Variants in RUBCNL observed in about 807,000 individuals in gnomAD.
RUBCNL encodes protein associated with UVRAG as autophagy enhancer.
Under a neutral mutation model 69.5 loss-of-function variants are expected in RUBCNL, and 62 were observed. The observed-to-expected ratio is 0.89, with a 90% CI of 0.73 to 1.10. RUBCNL has a LOEUF of 1.10. Among genes scored for constraint, RUBCNL ranks in the 50% least tolerant of loss-of-function variants. The pLI is 0.00. For missense variants in RUBCNL, 768 were observed against 798.1 expected (o/e 0.96, Z 0.45); for synonymous variants, 291 against 303.6 (o/e 0.96, Z 0.43).
chr13:46,365,085 C>T (rs1168116198), intron 5 of RUBCNL, among the ~76,000 whole-genome samples: 1 of 151,888 alleles, frequency 6.6e-6, no homozygotes, highest in East Asian at 1.9e-4. Flanking sequence ...AGCGGATCAC[C>T]TGAGGTCAGG....
In RUBCNL at chr13:46,344,655, CTTAAG is replaced by C. The variant is rs763664737; in HGVS notation, c.1876+81_1876+85del. ...CTTAAATTATTAAGCTATTATTCAG[CTTAAG>C]TTAATTTTGTGCTTAAGTTACTAAA... is the stretch of plus-strand genomic sequence containing the variant. On this transcript the variant is annotated intron_variant, in intron 14 of 14. Coordinates refer to ENST00000429979, the MANE Select transcript of RUBCNL (RefSeq NM_025113.5). The C allele has an allele frequency of 4.9e-5, 42 of 862,700 alleles. 2 individuals carry two copies. In the South Asian group the frequency reaches 5.1e-4, roughly 10 times the overall value. The allele number at this position is 862,700 out of a possible 1,614,324, so 53.4% of individuals were successfully genotyped here.
At chr13:46,375,740 G>A (rs1490817645) in intron 2 of RUBCNL, among the ~76,000 whole-genome samples, 1 of 152,060 alleles carries the variant, frequency 6.6e-6, no homozygotes, top group African/African-American at 2.4e-5. Context: ...AAGAGTTTTG[G>A]AGACTTCTTG....
Position 46,341,427 on chromosome 13 carries a change from A to G in RUBCNL, c.*1958T>C, listed in dbSNP as rs1294258384. 1.3e-5 allele frequency among the ~76,000 whole-genome samples: 2 copies of G among 152,244 alleles called. No individual in the cohort carries two copies. The highest frequency in any genetic ancestry group is 2.9e-5 in the Non-Finnish European group (2 of 68,036). On this transcript the variant is annotated 3_prime_UTR_variant, in exon 15 of 15. Coordinates refer to ENST00000429979, the MANE Select transcript of RUBCNL (RefSeq NM_025113.5). ...GCCTTCCTGGGAAGAAGCCTCTATT[A>G]TCACATTGGAGAGGAACAAAGTCTC...
chr13:46,361,418 G>C (rs754596058), intron 8 of RUBCNL, 23 bp downstream of exon 8: 2 of 1,611,528 alleles, frequency 1.2e-6, no homozygotes, highest in Admixed American at 3.3e-5. Flanking sequence ...TTCAATTCAA[G>C]GTCAATTTTT....
rs1286794490 is a variant in RUBCNL at position 46,335,010 on chromosome 13, A to G, written c.*8375T>C. On this transcript the variant is annotated 3_prime_UTR_variant, in exon 15 of 15. Transcript: ENST00000429979. ...TTCCTGATGGAGGGAAGAGAGGAAC[A>G]GCTCAGGAAGTGGTGCAGGTCAAGC... 6.6e-6 allele frequency among the ~76,000 whole-genome samples: 1 copy of G among 152,060 alleles called. No individual in the cohort carries two copies. Among genetic ancestry groups the G allele is most frequent in the Non-Finnish European group, 1.5e-5 (1 of 68,022 alleles).
chr13:46,380,463 C>T (rs904556768), intron 1 of RUBCNL, among the ~76,000 whole-genome samples: 1 of 152,184 alleles, frequency 6.6e-6, no homozygotes, highest in Non-Finnish European at 1.5e-5. Context: ...AAAGTCTGAA[C>T]CTGATCCAAA....
rs774318177 is a variant in RUBCNL, at chr13:46,372,159, T to C, written c.317A>G (p.Glu106Gly). ...GCTGCCAACGGAGTCTGTGGTATCC[T>C]CAGACAACGTTGTCTCTGCCAGGGA... ...GDSLAETTLS[E>G]DTTDSVGSAS... Residue 106 changes from glutamate to glycine, a missense_variant, in exon 3 of 15, where the codon GAG becomes GGG. By Grantham distance (98) the Glu-to-Gly change is moderately conservative. Transcript: ENST00000429979. 5.6e-6 allele frequency: 9 copies of C among 1,613,952 alleles called. No individual in the cohort carries two copies. In the South Asian group the frequency reaches 9.9e-5, roughly 18 times the overall value.
intron 9 of RUBCNL, among the ~76,000 whole-genome samples, chr13:46,357,998 G>A (rs2048528283): frequency 6.6e-6 from 1 of 152,190 alleles, no homozygotes; most frequent in Non-Finnish European, 1.5e-5. Context: ...CAAGGAAATT[G>A]TAAAATTTGT....
intron 1 of RUBCNL, among the ~76,000 whole-genome samples, chr13:46,385,471 T>C (rs1411452043): frequency 4.6e-5 from 7 of 152,190 alleles, no homozygotes; most frequent in African/African-American, 7.2e-5. Context: ...TCTTCCATAT[T>C]AGAAATTCCA....
chr13:46,361,181 C>A (rs1380094266), intron 8 of RUBCNL, among the ~76,000 whole-genome samples: 2 of 152,030 alleles, frequency 1.3e-5, no homozygotes, highest in African/African-American at 4.8e-5. Context: ...GCTGAGATTG[C>A]GCCACTGCAC....
chr13:46,353,489 A>G (rs568950958), intron 10 of RUBCNL, among the ~76,000 whole-genome samples: 1 of 152,376 alleles, frequency 6.6e-6, no homozygotes, highest in Admixed American at 6.5e-5. Flanking sequence ...TAACTAAAAC[A>G]GAATACAAAG....
chr13:46,339,828 T>C lies in RUBCNL; in HGVS notation c.*3557A>G, dbSNP rs1216713. On this transcript the variant is annotated 3_prime_UTR_variant, in exon 15 of 15. Coordinates refer to ENST00000429979, the MANE Select transcript of RUBCNL (RefSeq NM_025113.5). ...GAGCTGAGATCGCACCACTGCACTA[T>C]AGCCTGGGTGACAGAGCAAGACTCC... Among the ~76,000 whole-genome samples, 59,719 of 151,818 alleles carry C rather than the reference T, an allele frequency of 0.39. 12,338 individuals carry two copies. Among genetic ancestry groups the C allele is most frequent in the East Asian group, 0.59 (3,045 of 5,162 alleles).
chr13:46,363,532 A>T (rs571382785), intron 5 of RUBCNL, among the ~76,000 whole-genome samples: 1 of 152,304 alleles, frequency 6.6e-6, no homozygotes, highest in South Asian at 2.1e-4. Flanking sequence ...TGATTTTGCA[A>T]ATCACACGAT....
intron 10 of RUBCNL, 81 bp downstream of exon 10, chr13:46,356,351 C>T (rs1358698292): frequency 2.2e-6 from 3 of 1,369,644 alleles, no homozygotes; most frequent in South Asian, 1.3e-5. Flanking sequence ...GCATCTCTCA[C>T]ACAAGCAATG....
chr13:46,371,813 TG>T, intron 3 of RUBCNL, 127 bp downstream of exon 3: 1 of 932,860 alleles, frequency 1.1e-6, no homozygotes, highest in Non-Finnish European at 1.6e-6. Context: ...CCCAGATGGC[TG>T]GGCTGCTGAC....
At chr13:46,348,094 T>C (rs2048287791) in intron 12 of RUBCNL, among the ~76,000 whole-genome samples, 1 of 152,112 alleles carries the variant, frequency 6.6e-6, no homozygotes, top group African/African-American at 2.4e-5. Flanking sequence ...AGACAAATAC[T>C]GTAAGATTCC....
rs2048105935 is a variant in RUBCNL, at chr13:46,336,503, A to C, written c.*6882T>G. The stretch of plus-strand genomic sequence containing the variant: ...AAATTATTCTAATCCCACTATACAG[A>C]GATAATCACCACCACAATATGATGA... On this transcript the variant is annotated 3_prime_UTR_variant, in exon 15 of 15. Coordinates refer to ENST00000429979, the MANE Select transcript of RUBCNL (RefSeq NM_025113.5). 6.6e-6 allele frequency among the ~76,000 whole-genome samples: 1 copy of C among 152,222 alleles called. No homozygotes were observed. Among genetic ancestry groups the C allele is most frequent in the Non-Finnish European group, 1.5e-5 (1 of 68,038 alleles).
At chr13:46,382,826 C>T (rs55733342) in intron 1 of RUBCNL, among the ~76,000 whole-genome samples, 14,030 of 152,242 alleles carry the variant, frequency 0.092, 878 homozygotes, top group Non-Finnish European at 0.14. Flanking sequence ...TGAGCCACCG[C>T]GCCTGGCCTA....
intron 10 of RUBCNL, among the ~76,000 whole-genome samples, chr13:46,355,260 G>A (rs1283392187): frequency 6.6e-6 from 1 of 151,764 alleles, no homozygotes; most frequent in Non-Finnish European, 1.5e-5. Context: ...GTCTCAAGGG[G>A]GAAACTTGCA....
Sources: gnomAD v4.1 joint callset for allele counts (sites outside exome capture counted in the v4.1 genomes callset) on GRCh38, gnomAD v4.1.1 for gene constraint, MANE v1.5 for transcripts, NCBI Gene and HGNC (gene_info 2026-07-23, HGNC 2026-07-21) for gene names.